The following CCDC77 variants were observed in gnomAD, a reference collection of about 807,000 sequenced individuals.
CCDC77 encodes the protein coiled-coil domain containing 77.
CCDC77 carries 56 observed loss-of-function variants against 66.8 expected under a neutral mutation model. That is an observed-to-expected ratio of 0.84 (90% CI 0.68 to 1.05). The LOEUF (loss-of-function observed/expected upper bound fraction) is 1.05, where lower values mean the gene tolerates loss of function less well. Ranked by LOEUF, CCDC77 falls within the 50% of genes least tolerant of loss-of-function variation. CCDC77 has a pLI of 0.00. For synonymous variants in CCDC77, 196 were observed against 195.2 expected, an observed-to-expected ratio of 1.00 and a Z score of -0.03; for missense variants, 570 against 576.8, an observed-to-expected ratio of 0.99 and a Z score of 0.12.
At chr12:394,155 T>C (rs1352096683) in intron 1 of CCDC77, among the ~76,000 whole-genome samples, 3 of 152,224 alleles carry the variant, frequency 2.0e-5, no homozygotes, top group African/African-American at 7.2e-5. Flanking sequence ...AGAAAAGATC[T>C]GCCGTATCTA....
intron 6 of CCDC77, 73 bp from the exon 7 acceptor site, chr12:430,591 C>A: frequency 9.2e-7 from 1 of 1,089,356 alleles, no homozygotes. Context: ...GTTCAATCTG[C>A]AGAACTAAGG....
intron 3 of CCDC77, among the ~76,000 whole-genome samples, chr12:411,194 A>C (rs892436401): frequency 3.5e-5 from 5 of 143,436 alleles, no homozygotes; most frequent in Admixed American, 2.8e-4. Context: ...TTTTTTTTTG[A>C]GATAGAGTCT....
exon 1 of CCDC77, chr12:389,444 CA>C: frequency 6.5e-6 from 3 of 459,932 alleles, no homozygotes; most frequent in Non-Finnish European, 1.2e-5. Context: ...CCTTGCCCGC[CA>C]AAGTTCTGCC....
In CCDC77 at chr12:416,365, GTGTGTGTGTGTGTATATATATA is replaced by G. The variant is rs1452320098; in HGVS notation, c.271-2127_271-2106del. Among the ~76,000 whole-genome samples, 259 of 38,854 alleles carry G rather than the reference GTGTGTGTGTGTGTATATATATA, an allele frequency of 6.7e-3. 2 individuals carry two copies. Among genetic ancestry groups the G allele is most frequent in the South Asian group, 0.043 (38 of 878 alleles). 25.5% of individuals were successfully genotyped at this position (38,854 alleles called of 152,430 possible). On this transcript the variant is annotated intron_variant, in intron 4 of 12. Transcript: ENST00000239830. ...TGGGGGTGTGTGTGTGTGTGTGTGTGTGTGTGTGTGTGTATATATATATATATATATATATATATATATATAT... is the reference window on the plus strand; with the variant it reads ...TGGGGGTGTGTGTGTGTGTGTGTGTGTATATATATATATATATATATATAT...
intron 3 of CCDC77, 77 bp from the exon 4 acceptor site, chr12:411,670 C>A: frequency 1.7e-6 from 2 of 1,209,984 alleles, no homozygotes; most frequent in South Asian, 1.5e-5. Context: ...GAACACAAAA[C>A]CCCCTTTTAT....
At chr12:415,485 T>A (rs1008233178) in intron 4 of CCDC77, among the ~76,000 whole-genome samples, 9 of 147,498 alleles carry the variant, frequency 6.1e-5, no homozygotes, top group African/African-American at 2.2e-4. Context: ...TATGTTGATA[T>A]TATTAACATA....
At chr12:441,091 C>A in intron 12 of CCDC77, 95 bp downstream of exon 12, 3 of 1,290,006 alleles carry the variant, frequency 2.3e-6, no homozygotes, top group Non-Finnish European at 2.2e-6. Context: ...TGTGCTGTTT[C>A]CCTGCTGGTA....
chr12:428,907 A>C, intron 6 of CCDC77, 42 bp downstream of exon 6: 1 of 1,303,080 alleles, frequency 7.7e-7, no homozygotes, highest in South Asian at 1.2e-5. Context: ...TGGCTTTACA[A>C]GTCACAGGCT....
At chr12:425,238 G>A (rs892683392) in intron 5 of CCDC77, among the ~76,000 whole-genome samples, 5 of 151,254 alleles carry the variant, frequency 3.3e-5, no homozygotes, top group East Asian at 3.9e-4. Flanking sequence ...GCCTCGCCAC[G>A]TGGGTTTTTG....
chr12:427,009 G>GAA (rs1158904195), intron 5 of CCDC77, among the ~76,000 whole-genome samples: 2 of 152,110 alleles, frequency 1.3e-5, no homozygotes, highest in East Asian at 3.8e-4. Context: ...ACTTTGGGGT[G>GAA]GCTGAGGCGG....
chr12:407,941 C>T (rs763346577), intron 2 of CCDC77, among the ~76,000 whole-genome samples: 4 of 151,982 alleles, frequency 2.6e-5, no homozygotes, highest in South Asian at 4.2e-4. Flanking sequence ...GTGCCTGCCA[C>T]GACACCCGGC....
chr12:419,094 C>G (rs59417991), intron 5 of CCDC77, among the ~76,000 whole-genome samples: 21,561 of 152,158 alleles, frequency 0.14, 3,555 homozygotes, highest in African/African-American at 0.4. Flanking sequence ...TTTGCCTTCA[C>G]GGTAGTTACT....
At position 405,253 on chromosome 12, in the gene CCDC77, G is replaced by C. The variant is rs1242591399; in HGVS notation, c.-70-258G>C. Among the ~76,000 whole-genome samples, 3 of 152,240 alleles carry C rather than the reference G, an allele frequency of 2.0e-5. No individual in the cohort carries two copies. In the South Asian group the frequency reaches 6.2e-4, roughly 32 times the overall value. On this transcript the variant is annotated intron_variant, in intron 1 of 12. Coordinates refer to ENST00000239830, the MANE Select transcript of CCDC77 (RefSeq NM_032358.4). ...AGTCCAGAATAGGGAAATCTGTAGA[G>C]ACAGTAGGTTAGTGGTTGCTTAGGA... is the stretch of plus-strand genomic sequence containing the variant.
chr12:423,249 A>G (rs1945445658), intron 5 of CCDC77, among the ~76,000 whole-genome samples: 1 of 144,342 alleles, frequency 6.9e-6, no homozygotes, highest in Non-Finnish European at 1.5e-5. Context: ...TTCAGCCTCC[A>G]AGTAGCTGTG....
At chr12:428,904 A>G in intron 6 of CCDC77, 39 bp downstream of exon 6, 2 of 1,325,186 alleles carry the variant, frequency 1.5e-6, no homozygotes, top group South Asian at 1.2e-5. Flanking sequence ...GTGTGGCTTT[A>G]CAAGTCACAG....
At chr12:408,186 G>C (rs184580597) in intron 2 of CCDC77, among the ~76,000 whole-genome samples, 1 of 152,078 alleles carries the variant, frequency 6.6e-6, no homozygotes, top group Non-Finnish European at 1.5e-5. Context: ...GCGAATGCTT[G>C]ATAAGAAAGT....
At position 433,286 on chromosome 12, in the gene CCDC77, A is replaced by G; in HGVS notation, c.785A>G (p.Gln262Arg). Residue 262 changes from glutamine to arginine, a missense_variant, in exon 9 of 13, where the codon CAG becomes CGG. Physicochemically the swap from Gln to Arg is conservative, Grantham distance 43 (BLOSUM62 1). Coordinates refer to ENST00000239830, the MANE Select transcript of CCDC77 (RefSeq NM_032358.4). ...IHLEEIQVQH[Q>R]RNQNKIKELT... ...CTTGAGGAAATACAAGTTCAGCACC[A>G]GAGAAATCAGAACAAAATCAAAGAG... The G allele has an allele frequency of 6.8e-6, 11 of 1,614,136 alleles. 1 individual carries two copies. The highest frequency in any genetic ancestry group is 9.3e-6 in the Non-Finnish European group (11 of 1,180,014).
At chr12:397,324 G>C (rs1250935686), upstream of CCDC77, among the ~76,000 whole-genome samples, 1 of 152,126 alleles carries the variant, frequency 6.6e-6, no homozygotes, top group Non-Finnish European at 1.5e-5. Flanking sequence ...ACCATGACTT[G>C]ATTTTTTAAA....
At chr12:397,411 A>G (rs962043507), upstream of CCDC77, among the ~76,000 whole-genome samples, 9 of 152,174 alleles carry the variant, frequency 5.9e-5, no homozygotes, top group Non-Finnish European at 1.2e-4. Context: ...AATGTAATTA[A>G]CAGAGAAAAT....
Sources: allele counts gnomAD v4.1 joint callset (sites outside exome capture counted in the v4.1 genomes callset), GRCh38; gene constraint gnomAD v4.1.1; transcripts MANE v1.5; gene names NCBI Gene and HGNC (gene_info 2026-07-23, HGNC 2026-07-21).